The following PLEK variants were observed in gnomAD, a reference collection of about 807,000 sequenced individuals.
The protein encoded by PLEK is pleckstrin.
In PLEK, 25 loss-of-function variants were observed where a neutral mutation model predicts 43.9. The observed-to-expected ratio is 0.57, with a 90% CI of 0.41 to 0.79. The LOEUF (loss-of-function observed/expected upper bound fraction) is 0.79, where lower values mean the gene tolerates loss of function less well. PLEK is among the 30% of genes least tolerant of loss of function. PLEK has a pLI of 0.00. For missense variants in PLEK, 396 were observed against 413.3 expected, an observed-to-expected ratio of 0.96 and a Z score of 0.36; for synonymous variants, 152 against 144.4, an observed-to-expected ratio of 1.05 and a Z score of -0.38.
intron 3 of PLEK, among the ~76,000 whole-genome samples, chr2:68,382,274 C>G (rs1464646769): frequency 1.3e-5 from 2 of 152,176 alleles, no homozygotes; most frequent in African/African-American, 4.8e-5. Flanking sequence ...AATCAACAAA[C>G]AGCTGAATGA....
intron 1 of PLEK, among the ~76,000 whole-genome samples, chr2:68,375,152 C>G (rs1673478292): frequency 6.6e-6 from 1 of 152,148 alleles, no homozygotes; most frequent in Admixed American, 6.6e-5. Flanking sequence ...GCACTCCTGC[C>G]AGCTATGTTT....
chr2:68,366,192 G>C (rs1303871382), intron 1 of PLEK, among the ~76,000 whole-genome samples: 1 of 152,208 alleles, frequency 6.6e-6, no homozygotes, highest in Non-Finnish European at 1.5e-5. Context: ...ACTAACCTTA[G>C]TGAGTGGATT....
At chr2:68,394,773 C>T (rs1250749125) in intron 8 of PLEK, among the ~76,000 whole-genome samples, 2 of 152,172 alleles carry the variant, frequency 1.3e-5, no homozygotes, top group African/African-American at 2.4e-5. Context: ...TGATTTGGTG[C>T]ATGGAATAAC....
chr2:68,382,004 T>C (rs1414632504), intron 3 of PLEK, among the ~76,000 whole-genome samples: 1 of 152,204 alleles, frequency 6.6e-6, no homozygotes, highest in Non-Finnish European at 1.5e-5. Flanking sequence ...GATGTATTAC[T>C]TCAAGGACAA....
At chr2:68,369,079 T>A (rs1466869483) in intron 1 of PLEK, among the ~76,000 whole-genome samples, 1 of 152,238 alleles carries the variant, frequency 6.6e-6, no homozygotes, top group Non-Finnish European at 1.5e-5. Flanking sequence ...TGAAGCGATT[T>A]GTGCCTACTG....
rs1434645416 is a variant in PLEK at position 68,382,644 on chromosome 2, T to A, written c.472+11T>A. ...ATCACTGCTTCACAGGTAAAAGCAC[T>A]TGCAGGCCTGAAATAGGGCGACTGG... is the stretch of plus-strand genomic sequence containing the variant. On this transcript the variant is annotated intron_variant, in intron 4 of 8. Coordinates refer to ENST00000234313, the MANE Select transcript of PLEK (RefSeq NM_002664.3). The A allele has an allele frequency of 1.3e-6, 2 of 1,500,070 alleles. No homozygotes were observed. The highest frequency in any genetic ancestry group is 2.8e-5 in the African/African-American group (2 of 72,462). 92.9% of individuals were successfully genotyped at this position (1,500,070 alleles called of 1,614,324 possible).
intron 2 of PLEK, 83 bp downstream of exon 2, chr2:68,380,566 G>A: frequency 6.9e-7 from 1 of 1,455,804 alleles, no homozygotes. Context: ...TGTGGGTGGT[G>A]CTCCTTGGGC....
intron 1 of PLEK, among the ~76,000 whole-genome samples, chr2:68,373,955 T>A (rs1673455739): frequency 6.6e-6 from 1 of 152,218 alleles, no homozygotes; most frequent in Admixed American, 6.5e-5. Flanking sequence ...ATTCATTTAA[T>A]AATTTTCCCA....
At chr2:68,379,295 T>C (rs1015105567) in intron 1 of PLEK, among the ~76,000 whole-genome samples, 1 of 152,156 alleles carries the variant, frequency 6.6e-6, no homozygotes, top group Non-Finnish European at 1.5e-5. Context: ...GTGTCTTCAG[T>C]GAGTCAGATT....
rs1673892996 is a variant in PLEK at position 68,393,136 on chromosome 2, TC to T, written c.763-25del. 3 of 1,409,252 alleles carry T rather than the reference TC, an allele frequency of 2.1e-6. No homozygotes were observed. In the East Asian group the frequency reaches 6.8e-5, roughly 32 times the overall value. The allele number at this position is 1,409,252 out of a possible 1,614,324, so 87.3% of individuals were successfully genotyped here. On this transcript the variant is annotated intron_variant, in intron 6 of 8. Transcript: ENST00000234313. Reference sequence around the variant, plus strand: ...GTGATGCTGGGAATTCACCATCCCTTCTTTTAATGTTGATCCTGGATACAGG... The same window carrying T: ...GTGATGCTGGGAATTCACCATCCCTTTTTTAATGTTGATCCTGGATACAGG...
intron 4 of PLEK, 56 bp from the exon 5 acceptor site, chr2:68,386,446 C>A: frequency 1.4e-6 from 2 of 1,412,168 alleles, no homozygotes; most frequent in South Asian, 1.2e-5. Context: ...GGGTGATTGT[C>A]AGGGGCTTGT....
At position 68,380,805 on chromosome 2, in the gene PLEK, G is replaced by A. The variant is rs765016901; in HGVS notation, c.281G>A (p.Arg94Gln). The change falls in exon 3 of 9, where the codon CGG becomes CAG. Residue 94 changes from arginine (R) to glutamine (Q), a missense_variant. Coordinates refer to ENST00000234313, the MANE Select transcript of PLEK (RefSeq NM_002664.3). The stretch of plus-strand genomic sequence containing the variant: ...CTGGAGGAGAGAGATGCCTGGGTTC[G>A]GGATATCAAGAAGGCCATTAAATGC... ...AFLEERDAWV[R>Q]DIKKAIKCIE... 16 of 1,613,914 alleles carry A rather than the reference G, an allele frequency of 9.9e-6. No homozygotes were observed. The highest frequency in any genetic ancestry group is 1.1e-5 in the Non-Finnish European group (13 of 1,179,848).
chr2:68,382,523 C>CT lies in PLEK; in HGVS notation c.381-13dup, dbSNP rs764911304. On this transcript the variant is annotated intron_variant, in intron 3 of 8. Coordinates refer to ENST00000234313, the MANE Select transcript of PLEK (RefSeq NM_002664.3). ...TTTTTTTTGTTTGTTTGTTTGTTTG[C>CT]TTTTTTATCTCTGTGCAGTGCCTTA... is the stretch of plus-strand genomic sequence containing the variant. The CT allele has an allele frequency of 3.1e-5, 44 of 1,413,428 alleles. No homozygotes were observed. The highest frequency in any genetic ancestry group is 1.8e-4 in the Middle Eastern group (1 of 5,572). The allele number at this position is 1,413,428 out of a possible 1,614,324, so 87.6% of individuals were successfully genotyped here.
intron 1 of PLEK, among the ~76,000 whole-genome samples, chr2:68,374,543 A>T (rs1039124338): frequency 6.6e-6 from 1 of 152,192 alleles, no homozygotes; most frequent in Non-Finnish European, 1.5e-5. Flanking sequence ...TAATTGAAGG[A>T]TAACTTACAA....
chr2:68,390,251 G>A (rs541113700), intron 6 of PLEK, among the ~76,000 whole-genome samples: 9 of 152,278 alleles, frequency 5.9e-5, no homozygotes, highest in Non-Finnish European at 1.2e-4. Flanking sequence ...AGCTCGGTTG[G>A]TGCACATTTG....
chr2:68,368,224 C>T (rs1673320697), intron 1 of PLEK, among the ~76,000 whole-genome samples: 1 of 152,158 alleles, frequency 6.6e-6, no homozygotes, highest in Non-Finnish European at 1.5e-5. Context: ...CAAGTAACAC[C>T]CATGTCTCTT....
At chr2:68,368,885 C>T (rs1038944805) in intron 1 of PLEK, among the ~76,000 whole-genome samples, 1 of 152,168 alleles carries the variant, frequency 6.6e-6, no homozygotes, top group Non-Finnish European at 1.5e-5. Flanking sequence ...TTTGGATGTC[C>T]TTTGAGGCTG....
intron 3 of PLEK, 148 bp downstream of exon 3, chr2:68,381,052 C>T: frequency 1.4e-6 from 1 of 712,560 alleles, no homozygotes. Flanking sequence ...AAAATGTTTA[C>T]CTGGGTCTGA....
At position 68,386,689 on chromosome 2, in the gene PLEK, A is replaced by G; in HGVS notation, c.657+3A>G. ...ACCCTGATGCCTTCTACTACTTTGT[A>G]AGAAAAGCTCCCCATCTCTTCTTCC... On this transcript the variant is annotated splice_donor_region_variant and intron_variant, in intron 5 of 8. Coordinates refer to ENST00000234313, the MANE Select transcript of PLEK (RefSeq NM_002664.3). 6.2e-7 allele frequency: 1 copy of G among 1,609,448 alleles called. No homozygotes were observed. The highest frequency in any genetic ancestry group is 1.3e-5 in the African/African-American group (1 of 74,950).
Sources: allele counts gnomAD v4.1 joint callset (sites outside exome capture counted in the v4.1 genomes callset), GRCh38; gene constraint gnomAD v4.1.1; transcripts MANE v1.5; gene names NCBI Gene and HGNC (gene_info 2026-07-23, HGNC 2026-07-21).